SPG21: variants seen among roughly 807,000 people sequenced by gnomAD.
SPG21 encodes the protein SPG21 abhydrolase domain containing, maspardin.
A neutral mutation model predicts 38.9 loss-of-function variants in SPG21; 26 were observed. The observed-to-expected ratio is 0.67, with a 90% confidence interval of 0.49 to 0.93. SPG21 has a LOEUF of 0.93. SPG21 is among the 40% of genes least tolerant of loss of function. The pLI is 0.00. For synonymous variants in SPG21, 136 were observed against 128.9 expected, an observed-to-expected ratio of 1.05 and a Z score of -0.37; for missense variants, 333 against 376.5, an observed-to-expected ratio of 0.88 and a Z score of 0.96.
chr15:64,967,799 G>A (rs939421492), intron 7 of SPG21, among the ~76,000 whole-genome samples: 1 of 151,996 alleles, frequency 6.6e-6, no homozygotes, highest in African/African-American at 2.4e-5. Context: ...GTAGAGACAG[G>A]GTCTCCTGTA....
intron 1 of SPG21, among the ~76,000 whole-genome samples, chr15:64,986,417 G>A (rs767186315): frequency 6.0e-5 from 9 of 150,528 alleles, no homozygotes; most frequent in African/African-American, 2.2e-4. Flanking sequence ...CAGGCGCGGC[G>A]GCTCACACCT....
At chr15:64,979,034 T>C (rs541267643) in intron 3 of SPG21, among the ~76,000 whole-genome samples, 1 of 152,362 alleles carries the variant, frequency 6.6e-6, no homozygotes, top group South Asian at 2.1e-4. Context: ...AACTGCTAGA[T>C]ACTAACAAAT....
chr15:64,983,027 G>A (rs1472637452), intron 2 of SPG21: 1 of 173,100 alleles, frequency 5.8e-6, no homozygotes, highest in Admixed American at 6.0e-5. Flanking sequence ...GGAGGCCAAG[G>A]TGGGCGGATC....
At chr15:64,984,380 T>A (rs188345581) in intron 1 of SPG21, among the ~76,000 whole-genome samples, 8 of 152,286 alleles carry the variant, frequency 5.3e-5, no homozygotes, top group African/African-American at 1.9e-4. Flanking sequence ...TTTGAGACAG[T>A]CTTGCTCTGT....
intron 5 of SPG21, 73 bp from the exon 6 acceptor site, chr15:64,970,295 C>T (rs907692119): frequency 3.9e-6 from 5 of 1,269,848 alleles, no homozygotes; most frequent in Non-Finnish European, 5.7e-6. Context: ...AACATTAAAG[C>T]TTTGTATTAG....
chr15:64,970,224 T>C lies in SPG21; in HGVS notation c.453-2A>G. The stretch of plus-strand genomic sequence containing the variant: ...ATAAATGCAGGCATCAGCCAAAAGC[T>C]GTAAAACACAAAGACCTTATAATTT... On this transcript the variant is annotated splice_acceptor_variant, in intron 5 of 8. Coordinates refer to ENST00000204566, the MANE Select transcript of SPG21 (RefSeq NM_016630.7). LOFTEE classifies it high-confidence loss of function. 1 of 1,611,484 alleles carries C rather than the reference T, an allele frequency of 6.2e-7. No homozygotes were observed. The highest frequency in any genetic ancestry group is 8.5e-7 in the Non-Finnish European group (1 of 1,177,752).
At chr15:64,967,412 C>G (rs962657798) in intron 7 of SPG21, among the ~76,000 whole-genome samples, 3 of 151,988 alleles carry the variant, frequency 2.0e-5, no homozygotes, top group Non-Finnish European at 2.9e-5. Flanking sequence ...ATCCTCCCAC[C>G]TCAACCTCCC....
intron 2 of SPG21, chr15:64,981,423 G>C (rs537416657): frequency 4.4e-6 from 1 of 225,142 alleles, no homozygotes; most frequent in African/African-American, 2.3e-5. Context: ...CCAAGTAGCT[G>C]GGATTATAGG....
At chr15:64,981,854 A>G (rs1566931406) in intron 2 of SPG21, among the ~76,000 whole-genome samples, 1 of 152,196 alleles carries the variant, frequency 6.6e-6, no homozygotes, top group Non-Finnish European at 1.5e-5. Flanking sequence ...TGACAATGCA[A>G]ATCAGTATTT....
intron 4 of SPG21, among the ~76,000 whole-genome samples, chr15:64,975,855 C>A (rs2085762579): frequency 6.6e-6 from 1 of 152,038 alleles, no homozygotes; most frequent in East Asian, 1.9e-4. Context: ...AAAAGCCAGT[C>A]AAAAAGACCA....
chr15:64,978,903 G>C (rs1190543773), intron 3 of SPG21, among the ~76,000 whole-genome samples: 1 of 152,150 alleles, frequency 6.6e-6, no homozygotes, highest in East Asian at 1.9e-4. Flanking sequence ...GTTTTGCAAA[G>C]GTTCGGCAGA....
intron 2 of SPG21, 155 bp from the exon 3 acceptor site, chr15:64,981,180 C>A: frequency 1.3e-6 from 1 of 762,414 alleles, no homozygotes. Context: ...ATGACAAACT[C>A]CTCTGATCTC....
At chr15:64,965,798 C>A (rs978617597) in intron 7 of SPG21, among the ~76,000 whole-genome samples, 4 of 151,244 alleles carry the variant, frequency 2.6e-5, no homozygotes, top group African/African-American at 9.7e-5. Flanking sequence ...ACCTCCTGGG[C>A]TCAAGTGATT....
chr15:64,974,390 G>A (rs565289367), intron 5 of SPG21, among the ~76,000 whole-genome samples: 5 of 152,160 alleles, frequency 3.3e-5, no homozygotes, highest in East Asian at 3.9e-4. Flanking sequence ...TAGGAGGATC[G>A]CTTGAGCCTG....
intron 3 of SPG21, among the ~76,000 whole-genome samples, chr15:64,980,119 T>C (rs755302234): frequency 2.6e-5 from 4 of 152,180 alleles, no homozygotes. Context: ...TAATATTCCA[T>C]GCTCAGCAAC....
chr15:64,981,286 CT>C, intron 2 of SPG21: 1 of 399,330 alleles, frequency 2.5e-6, no homozygotes, highest in South Asian at 2.6e-5. Flanking sequence ...CTTCCCCCTC[CT>C]CCTTTTTTTT....
chr15:64,976,418 T>C (rs2085774057), intron 4 of SPG21, 57 bp downstream of exon 4: 6 of 1,274,830 alleles, frequency 4.7e-6, no homozygotes, highest in African/African-American at 4.4e-5. Flanking sequence ...GAGTGAGACT[T>C]CATCTCAAAA....
intron 7 of SPG21, among the ~76,000 whole-genome samples, chr15:64,966,229 C>T (rs72740680): frequency 0.01 from 1,551 of 152,244 alleles, 14 homozygotes; most frequent in Non-Finnish European, 0.014. Flanking sequence ...GCTATTCTTT[C>T]TTGGGGAAAC....
chr15:64,971,595 T>C (rs1009398056), intron 5 of SPG21, among the ~76,000 whole-genome samples: 3 of 151,190 alleles, frequency 2.0e-5, no homozygotes, highest in East Asian at 1.9e-4. Context: ...ATCCAGAACT[T>C]TGGGAGGCCA....
Sources: gnomAD v4.1 joint callset for allele counts (sites outside exome capture counted in the v4.1 genomes callset) on GRCh38, gnomAD v4.1.1 for gene constraint, MANE v1.5 for transcripts, NCBI Gene and HGNC (gene_info 2026-07-23, HGNC 2026-07-21) for gene names.